Variants in SBF2 observed in about 807,000 individuals in gnomAD.
The protein encoded by SBF2 is myotubularin-related protein 13.
Under a neutral mutation model 225.2 loss-of-function variants are expected in SBF2, and 112 were observed. That is an observed-to-expected ratio of 0.50 (90% CI 0.43 to 0.58). The LOEUF is 0.58. Among genes scored for constraint, SBF2 ranks in the 20% least tolerant of loss-of-function variants. The pLI is 0.00. For missense variants in SBF2, 1,996 were observed against 2,206.2 expected, an observed-to-expected ratio of 0.90 and a Z score of 1.91; for synonymous variants, 763 against 773.3, an observed-to-expected ratio of 0.99 and a Z score of 0.22.
At chr11:10,217,829 A>C (rs1958185651) in intron 1 of SBF2, among the ~76,000 whole-genome samples, 1 of 152,216 alleles carries the variant, frequency 6.6e-6, no homozygotes, top group African/African-American at 2.4e-5. Flanking sequence ...AAGAAGTTTA[A>C]TAGACTAACA....
At chr11:10,056,595 T>C (rs193040851) in intron 2 of SBF2, among the ~76,000 whole-genome samples, 1 of 152,346 alleles carries the variant, frequency 6.6e-6, no homozygotes, top group Non-Finnish European at 1.5e-5. Flanking sequence ...TGATTTTGTA[T>C]CCTGCAACTT....
At chr11:9,791,470 A>G (rs1852739165) in intron 33 of SBF2, among the ~76,000 whole-genome samples, 1 of 151,650 alleles carries the variant, frequency 6.6e-6, no homozygotes, top group Non-Finnish European at 1.5e-5. Flanking sequence ...ATGAAATTCT[A>G]TAATATGTGG....
intron 2 of SBF2, among the ~76,000 whole-genome samples, chr11:10,117,167 G>A (rs1216898969): frequency 5.3e-5 from 8 of 152,134 alleles, no homozygotes; most frequent in Non-Finnish European, 7.4e-5. Context: ...CAGGCCGGGC[G>A]TGGTGGCTCA....
At chr11:10,106,364 T>C (rs576424520) in intron 2 of SBF2, among the ~76,000 whole-genome samples, 3 of 152,204 alleles carry the variant, frequency 2.0e-5, no homozygotes, top group South Asian at 2.1e-4. Context: ...CAGTGGCTCA[T>C]GCCTGTAATC....
At chr11:9,789,878 T>C (rs898303849) in intron 34 of SBF2, among the ~76,000 whole-genome samples, 2 of 152,230 alleles carry the variant, frequency 1.3e-5, no homozygotes, top group South Asian at 2.1e-4. Context: ...AATTCTGAAG[T>C]ACCCAGACAG....
In SBF2 at chr11:9,785,304, C is replaced by T. The variant is rs745780228; in HGVS notation, c.5052G>A (p.Leu1684=). ...EPRTDRSQRH[L]SRSPGIVSTN... ...TAGACACAATTCCTGGGGATCTCGA[C>T]AGGTGTCTTTGGGACTGAAAAAGAC... The change falls in exon 37 of 40, where the codon CTG becomes CTA. Residue 1684 remains leucine, a synonymous_variant. Coordinates refer to ENST00000256190, the MANE Select transcript of SBF2 (RefSeq NM_030962.4). The T allele has an allele frequency of 1.7e-5, 28 of 1,614,098 alleles. No individual in the cohort carries two copies. In the South Asian group the frequency reaches 3.1e-4, roughly 18 times the overall value.
At chr11:10,100,252 T>C (rs1260843950) in intron 2 of SBF2, among the ~76,000 whole-genome samples, 1 of 152,244 alleles carries the variant, frequency 6.6e-6, no homozygotes, top group African/African-American at 2.4e-5. Context: ...CTTTCTCTAC[T>C]GGAATTCACC....
intron 32 of SBF2, among the ~76,000 whole-genome samples, chr11:9,806,348 G>A (rs1393911386): frequency 2.0e-5 from 3 of 152,188 alleles, no homozygotes; most frequent in African/African-American, 4.8e-5. Context: ...GTGGTATACG[G>A]AGGCAGGAAA....
chr11:9,930,589 T>TTAAAAA (rs1864417703), intron 16 of SBF2, among the ~76,000 whole-genome samples: 2 of 152,190 alleles, frequency 1.3e-5, no homozygotes, highest in Admixed American at 1.3e-4. Flanking sequence ...GTTTCAAAGG[T>TTAAAAA]GTCTATACAT....
intron 1 of SBF2, among the ~76,000 whole-genome samples, chr11:10,261,477 A>G (rs188350704): frequency 4.5e-4 from 69 of 152,326 alleles, no homozygotes; most frequent in Admixed American, 1.4e-3. Flanking sequence ...TGCTGGGATT[A>G]CAGGCGTGAG....
In SBF2 at chr11:10,133,545, T is replaced by C. The variant is rs376044999; in HGVS notation, c.141+60357A>G. Among the ~76,000 whole-genome samples, 416 of 134,508 alleles carry C rather than the reference T, an allele frequency of 3.1e-3. 79 individuals are homozygous for C. In the South Asian group the frequency reaches 0.033, roughly 11 times the overall value. 88.2% of individuals were successfully genotyped at this position (134,508 alleles called of 152,430 possible). A position where few individuals can be genotyped will look rare whatever the true frequency, so the allele number is the denominator to read the frequency against. On this transcript the variant is annotated intron_variant, in intron 2 of 39. Coordinates refer to ENST00000256190, the MANE Select transcript of SBF2 (RefSeq NM_030962.4). The stretch of plus-strand genomic sequence containing the variant: ...AGTACACCCTCCGCAGCCACTGGCC[T>C]GGGTGCTAAGTCCCCCATTGCCCAG...
intron 1 of SBF2, among the ~76,000 whole-genome samples, chr11:10,209,831 T>G (rs1308501678): frequency 1.3e-5 from 2 of 152,084 alleles, no homozygotes; most frequent in Non-Finnish European, 2.9e-5. Context: ...TATATTTCCT[T>G]TCATATAAAA....
chr11:9,949,766 G>A (rs7118427), intron 16 of SBF2, among the ~76,000 whole-genome samples: 17,142 of 151,746 alleles, frequency 0.11, 1,090 homozygotes, highest in Non-Finnish European at 0.13. Flanking sequence ...AGAGTTACTC[G>A]AGATTCACGT....
intron 17 of SBF2, among the ~76,000 whole-genome samples, chr11:9,878,214 C>A (rs1321526534): frequency 6.6e-6 from 1 of 152,198 alleles, no homozygotes; most frequent in Non-Finnish European, 1.5e-5. Context: ...AGTGTCTGTT[C>A]ATATCCTTTG....
At chr11:10,090,531 G>T (rs1951737399) in intron 2 of SBF2, among the ~76,000 whole-genome samples, 1 of 152,050 alleles carries the variant, frequency 6.6e-6, no homozygotes, top group Non-Finnish European at 1.5e-5. Context: ...TTGGGAGGCT[G>T]AGGCGGGCAA....
At position 9,993,062 on chromosome 11, in the gene SBF2, T is replaced by G. The variant is rs1440299130; in HGVS notation, c.1095A>C (p.Gln365His). Residue 365 changes from glutamine (Q) to histidine (H), a missense_variant, in exon 11 of 40, where the codon CAA (glutamine) becomes CAC (histidine). Gln to His is a conservative substitution (Grantham distance 24). Transcript: ENST00000256190. ...VRAVFLRLFA[Q>H]LFQGYRSCLQ... is the part of the protein sequence containing the mutation. ...GGCAGGATCTATATCCTTGGAAGAGTTGTGCAAATAATCTAAGGAAAACGG... is the reference window on the plus strand; with the variant it reads ...GGCAGGATCTATATCCTTGGAAGAGGTGTGCAAATAATCTAAGGAAAACGG... The G allele has an allele frequency of 6.2e-7, 1 of 1,612,392 alleles. No homozygotes were observed. Among genetic ancestry groups the G allele is most frequent in the Non-Finnish European group, 8.5e-7 (1 of 1,179,692 alleles).
intron 1 of SBF2, among the ~76,000 whole-genome samples, chr11:10,223,571 ATC>A (rs1278223687): frequency 1.3e-5 from 2 of 151,544 alleles, no homozygotes; most frequent in Non-Finnish European, 2.9e-5. Context: ...TTATAAATGA[ATC>A]TCTGTCTGAA....
At chr11:10,113,773 A>G (rs1428266013) in intron 2 of SBF2, among the ~76,000 whole-genome samples, 3 of 151,238 alleles carry the variant, frequency 2.0e-5, no homozygotes, top group Non-Finnish European at 4.4e-5. Flanking sequence ...AATGTATGAG[A>G]CTGGTGTTTC....
At chr11:10,272,555 CG>C in intron 1 of SBF2, among the ~76,000 whole-genome samples, 1 of 152,182 alleles carries the variant, frequency 6.6e-6, no homozygotes, top group Admixed American at 6.5e-5. Flanking sequence ...TACCAAAGTG[CG>C]AACTCACCAG....
Sources: gnomAD v4.1 joint callset for allele counts (sites outside exome capture counted in the v4.1 genomes callset) on GRCh38, gnomAD v4.1.1 for gene constraint, MANE v1.5 for transcripts, NCBI Gene and HGNC (gene_info 2026-07-23, HGNC 2026-07-21) for gene names.